Variants in CAMTA1 observed in about 807,000 individuals in gnomAD.
CAMTA1 encodes the protein calmodulin binding transcription activator 1.
CAMTA1 carries 27 observed loss-of-function variants against 170.9 expected under a neutral mutation model. The observed-to-expected ratio is 0.16, with a 90% CI of 0.12 to 0.22. The LOEUF (loss-of-function observed/expected upper bound fraction) is 0.22. CAMTA1 is among the 10% of genes least tolerant of loss of function. The pLI, the probability that CAMTA1 is intolerant of heterozygous loss-of-function variation, is 1.00. For missense variants in CAMTA1, 1,619 were observed against 2,217.2 expected (o/e 0.73, Z 5.42); for synonymous variants, 833 against 891.5 (o/e 0.93, Z 1.17).
intron 3 of CAMTA1, among the ~76,000 whole-genome samples, chr1:6,929,124 G>A (rs1046069717): frequency 2.0e-5 from 3 of 152,136 alleles, no homozygotes; most frequent in Non-Finnish European, 4.4e-5. Context: ...AAAGTTGGAA[G>A]GACATACTCT....
At chr1:7,139,208 T>G (rs975648641) in intron 4 of CAMTA1, among the ~76,000 whole-genome samples, 7 of 143,910 alleles carry the variant, frequency 4.9e-5, no homozygotes, top group Non-Finnish European at 1.1e-4. Context: ...ATAATATTTA[T>G]AAAATTATAT....
intron 1 of CAMTA1, among the ~76,000 whole-genome samples, chr1:6,790,982 G>T (rs1328671042): frequency 6.6e-6 from 1 of 152,090 alleles, no homozygotes; most frequent in Non-Finnish European, 1.5e-5. Context: ...TGTAATATGT[G>T]GTTTGGCAGT....
intron 6 of CAMTA1, among the ~76,000 whole-genome samples, chr1:7,636,018 G>C (rs968316214): frequency 1.3e-5 from 2 of 152,172 alleles, no homozygotes; most frequent in African/African-American, 4.8e-5. Context: ...GATGGAAACC[G>C]GGAAGCTGCC....
intron 5 of CAMTA1, among the ~76,000 whole-genome samples, chr1:7,460,073 C>T (rs539279298): frequency 8.7e-4 from 132 of 152,366 alleles, no homozygotes; most frequent in South Asian, 3.7e-3. Context: ...GCCAGCCGCT[C>T]ACTGTGGGTC....
intron 6 of CAMTA1, among the ~76,000 whole-genome samples, chr1:7,627,192 C>A (rs2095639442): frequency 6.6e-6 from 1 of 152,156 alleles, no homozygotes; most frequent in Non-Finnish European, 1.5e-5. Context: ...TCTCAGAGAT[C>A]CTGTTTTTAT....
chr1:6,828,952 A>G (rs1325756830), intron 3 of CAMTA1, among the ~76,000 whole-genome samples: 1 of 138,480 alleles, frequency 7.2e-6, no homozygotes, highest in African/African-American at 2.8e-5. Context: ...GCTGGAATGC[A>G]GTGGTGTCAT....
chr1:7,397,800 T>C (rs2089451389), intron 5 of CAMTA1, among the ~76,000 whole-genome samples: 1 of 152,040 alleles, frequency 6.6e-6, no homozygotes, highest in Non-Finnish European at 1.5e-5. Flanking sequence ...AAGTTTCTCC[T>C]GTTATTGATT....
chr1:7,480,396 A>T (rs1283178457), intron 6 of CAMTA1, among the ~76,000 whole-genome samples: 3 of 149,622 alleles, frequency 2.0e-5, no homozygotes, highest in Non-Finnish European at 3.0e-5. Context: ...CGTATATGAG[A>T]GTGTGTGTGT....
intron 6 of CAMTA1, among the ~76,000 whole-genome samples, chr1:7,618,964 A>C (rs965396010): frequency 6.6e-6 from 1 of 152,164 alleles, no homozygotes; most frequent in African/African-American, 2.4e-5. Context: ...AAGGGAAATA[A>C]GGGATTTATT....
At chr1:7,208,075 G>A (rs1452235569) in intron 4 of CAMTA1, among the ~76,000 whole-genome samples, 1 of 152,220 alleles carries the variant, frequency 6.6e-6, no homozygotes, top group Non-Finnish European at 1.5e-5. Flanking sequence ...TCCTCTTGTG[G>A]CCAACAGCAC....
intron 4 of CAMTA1, among the ~76,000 whole-genome samples, chr1:7,140,515 A>G (rs9434855): frequency 0.57 from 87,298 of 151,960 alleles, 25,601 homozygotes; most frequent in African/African-American, 0.69. Flanking sequence ...GAAGGCAATG[A>G]GAAGATGGAC....
intron 6 of CAMTA1, among the ~76,000 whole-genome samples, chr1:7,558,451 C>G (rs2094911148): frequency 6.6e-6 from 1 of 152,250 alleles, no homozygotes; most frequent in South Asian, 2.1e-4. Context: ...GCCCAGACAG[C>G]TGCTTCCCTC....
At position 7,266,889 on chromosome 1, in the gene CAMTA1, C is replaced by T. The variant is rs189824153; in HGVS notation, c.438+17263C>T. On this transcript the variant is annotated intron_variant, in intron 5 of 22. Transcript: ENST00000303635. ...GAGAGCAGTGGACAAGGAGGGGGCG[C>T]GGTGGAGGGGCCAGGACCCAGGTGG... 4.7e-3 allele frequency among the ~76,000 whole-genome samples: 714 copies of T among 152,108 alleles called. 5 individuals carry two copies. Among genetic ancestry groups the T allele is most frequent in the South Asian group, 0.017 (80 of 4,794 alleles).
intron 5 of CAMTA1, among the ~76,000 whole-genome samples, chr1:7,255,844 G>A (rs1667291098): frequency 6.6e-6 from 1 of 152,134 alleles, no homozygotes. Context: ...TTCAGTCCTG[G>A]CAGATACGTT....
chr1:7,005,535 G>A (rs1202930302), intron 3 of CAMTA1, among the ~76,000 whole-genome samples: 1 of 152,172 alleles, frequency 6.6e-6, no homozygotes, highest in African/African-American at 2.4e-5. Context: ...TGTGGCAGGT[G>A]CTGAGGATGT....
At chr1:7,188,127 C>T (rs1296448939) in intron 4 of CAMTA1, among the ~76,000 whole-genome samples, 1 of 152,114 alleles carries the variant, frequency 6.6e-6, no homozygotes, top group Admixed American at 6.5e-5. Flanking sequence ...CACGAGAACT[C>T]ACTCATTATC....
At position 7,664,682 on chromosome 1, in the gene CAMTA1, CTTGCAG is replaced by C. The variant is rs1390203065; in HGVS notation, c.2136_2141del (p.Cys713_Ser714del). 1.2e-6 allele frequency: 2 copies of C among 1,605,796 alleles called. No individual in the cohort carries two copies. The highest frequency in any genetic ancestry group is 2.2e-5 in the South Asian group (2 of 90,892). On this transcript the variant is annotated inframe_deletion, in exon 9 of 23. Transcript: ENST00000303635. ...CTGCTCAAGTCTGGGGAGCTGCAGG[CTTGCAG>C]CTCTGAGCACTACCTGCAGCCGGAG...
intron 11 of CAMTA1, among the ~76,000 whole-genome samples, chr1:7,692,196 G>A (rs1299402927): frequency 1.3e-5 from 2 of 152,174 alleles, no homozygotes; most frequent in South Asian, 2.1e-4. Flanking sequence ...AATGACCCAA[G>A]ACCAAAGTGC....
At chr1:7,047,751 AT>A (rs1705638637) in intron 3 of CAMTA1, among the ~76,000 whole-genome samples, 1 of 124,824 alleles carries the variant, frequency 8.0e-6, no homozygotes, top group African/African-American at 3.2e-5. Context: ...GGTTACTAGG[AT>A]TAGAGATTGA....
Sources: allele counts gnomAD v4.1 joint callset (sites outside exome capture counted in the v4.1 genomes callset), GRCh38; gene constraint gnomAD v4.1.1; transcripts MANE v1.5; gene names NCBI Gene and HGNC (gene_info 2026-07-23, HGNC 2026-07-21).